CSMD2: variants seen among roughly 807,000 people sequenced by gnomAD.
CSMD2 encodes the protein CUB and sushi domain-containing protein 2.
In CSMD2, 130 loss-of-function variants were observed where a neutral mutation model predicts 398.5. The observed-to-expected ratio is 0.33, with a 90% CI of 0.28 to 0.38. The LOEUF (loss-of-function observed/expected upper bound fraction) is 0.38. Among genes scored for constraint, CSMD2 ranks in the 10% least tolerant of loss-of-function variants. The pLI is 1.00. For synonymous variants in CSMD2, 1,828 were observed against 1,908.5 expected (o/e 0.96, Z 1.10); for missense variants, 3,829 against 4,764.9 (o/e 0.80, Z 5.78).
Position 33,611,111 on chromosome 1 carries a change from G to C in CSMD2, c.6273C>G (p.Ser2091=), listed in dbSNP as rs746599023. The C allele has an allele frequency of 6.2e-7, 1 of 1,613,952 alleles. No homozygotes were observed. The highest frequency in any genetic ancestry group is 8.5e-7 in the Non-Finnish European group (1 of 1,180,030). The part of the protein sequence containing the change: ...SELPSSLLST[S]HETTVYFHSD... ...TGTGGAAATACACGGTGGTCTCGTG[G>C]GACGTGGAGAGGAGGGAGCTTGGAA... Residue 2091 remains serine, a synonymous_variant, in exon 41 of 71, where the codon TCC becomes TCG. Transcript: ENST00000373381.
chr1:33,723,016 T>A (rs115319988), intron 19 of CSMD2, among the ~76,000 whole-genome samples: 2 of 152,364 alleles, frequency 1.3e-5, no homozygotes, highest in Non-Finnish European at 2.9e-5. Context: ...TTTACTTATA[T>A]ACTAAAGTCT....
chr1:34,053,267 T>C (rs192230063), intron 2 of CSMD2, among the ~76,000 whole-genome samples: 1 of 152,296 alleles, frequency 6.6e-6, no homozygotes, highest in East Asian at 1.9e-4. Context: ...ATTGATACCG[T>C]AAGTGACCTC....
chr1:34,150,325 G>A (rs1640190251), intron 1 of CSMD2, among the ~76,000 whole-genome samples: 1 of 152,030 alleles, frequency 6.6e-6, no homozygotes, highest in East Asian at 1.9e-4. Context: ...CCTCAAGCAA[G>A]TCTCCCACCT....
intron 12 of CSMD2, among the ~76,000 whole-genome samples, chr1:33,780,835 T>C (rs1231863477): frequency 2.6e-5 from 4 of 152,200 alleles, no homozygotes; most frequent in Non-Finnish European, 4.4e-5. Context: ...CTTAGGAACA[T>C]GTTAGTGACA....
chr1:33,705,563 C>G (rs976448242), intron 22 of CSMD2, among the ~76,000 whole-genome samples: 3 of 151,982 alleles, frequency 2.0e-5, no homozygotes, highest in African/African-American at 7.2e-5. Context: ...TTTTGTTAAG[C>G]TTACCTGTAA....
At chr1:33,979,576 G>A (rs1392609807) in intron 3 of CSMD2, among the ~76,000 whole-genome samples, 2 of 152,220 alleles carry the variant, frequency 1.3e-5, no homozygotes, top group African/African-American at 4.8e-5. Context: ...GGTAACAAGA[G>A]ACCCTTTCTG....
rs566354647 is a variant in CSMD2 at position 33,557,671 on chromosome 1, G to A, written c.8743+63C>T. 4.4e-6 allele frequency: 6 copies of A among 1,355,956 alleles called. No individual in the cohort carries two copies. The Admixed American group carries it at 1.2e-4, about 27-fold the overall frequency. 84.0% of individuals were successfully genotyped at this position (1,355,956 alleles called of 1,614,324 possible). Reference sequence around the variant, plus strand: ...ACACACACACACACATGCACAGAGGGGAGGACTGTTCTTTGACACGGGCCA... The same window carrying A: ...ACACACACACACACATGCACAGAGGAGAGGACTGTTCTTTGACACGGGCCA... On this transcript the variant is annotated intron_variant, in intron 55 of 70. Transcript: ENST00000373381.
intron 3 of CSMD2, among the ~76,000 whole-genome samples, chr1:34,011,466 C>G (rs550229824): frequency 1.3e-5 from 2 of 152,156 alleles, no homozygotes; most frequent in Non-Finnish European, 2.9e-5. Context: ...GCTATGAGCA[C>G]GTGCCTAAGA....
intron 2 of CSMD2, among the ~76,000 whole-genome samples, chr1:34,075,326 G>A (rs574829886): frequency 5.1e-4 from 77 of 152,198 alleles, no homozygotes; most frequent in East Asian, 9.6e-4. Context: ...CTTCAAGGAC[G>A]TCCCTATTGA....
At chr1:33,584,598 C>T (rs532256330) in intron 46 of CSMD2, among the ~76,000 whole-genome samples, 11 of 151,890 alleles carry the variant, frequency 7.2e-5, no homozygotes, top group African/African-American at 1.4e-4. Flanking sequence ...TCCCAGGAGG[C>T]GGAGGTTGCA....
intron 1 of CSMD2, among the ~76,000 whole-genome samples, chr1:34,138,915 A>C (rs190665594): frequency 6.6e-6 from 1 of 152,262 alleles, no homozygotes; most frequent in Admixed American, 6.5e-5. Context: ...TTTCAGTGAA[A>C]TTTTATTTTT....
chr1:33,579,685 T>C (rs1222050699), intron 48 of CSMD2, among the ~76,000 whole-genome samples: 1 of 151,778 alleles, frequency 6.6e-6, no homozygotes, highest in Non-Finnish European at 1.5e-5. Flanking sequence ...TTTTTAATTT[T>C]TTTTTTTTTT....
At position 33,834,260 on chromosome 1, in the gene CSMD2, G is replaced by C. The variant is rs1461439981; in HGVS notation, c.1034-8486C>G. On this transcript the variant is annotated intron_variant, in intron 6 of 70. Transcript: ENST00000373381. ...ACCTGACTTCAAACTACACTACAAG[G>C]CTACAGTAACCAAAACAGCATGGTA... 5.4e-5 allele frequency among the ~76,000 whole-genome samples: 4 copies of C among 74,038 alleles called. No homozygotes were observed. The South Asian group carries it at 2.0e-3, about 38-fold the overall frequency. 48.6% of individuals were successfully genotyped at this position (74,038 alleles called of 152,430 possible). A position where few individuals can be genotyped will look rare whatever the true frequency, so the allele number is the denominator to read the frequency against.
intron 41 of CSMD2, among the ~76,000 whole-genome samples, chr1:33,607,839 AT>A (rs1273200199): frequency 6.6e-6 from 1 of 152,202 alleles, no homozygotes; most frequent in African/African-American, 2.4e-5. Flanking sequence ...GAGGGGGCCC[AT>A]TATAGGGTGG....
At chr1:33,709,034 T>C in intron 22 of CSMD2, 55 bp downstream of exon 22, 30 of 1,450,896 alleles carry the variant, frequency 2.1e-5, no homozygotes, top group Non-Finnish European at 2.8e-5. Flanking sequence ...GGAGTGAGTA[T>C]TGACTAGACT....
At chr1:34,117,568 C>G (rs1661732730) in intron 1 of CSMD2, among the ~76,000 whole-genome samples, 1 of 151,960 alleles carries the variant, frequency 6.6e-6, no homozygotes. Context: ...AAACTTTCCC[C>G]CAAAATTGAA....
At chr1:33,907,423 G>A (rs574093658) in intron 5 of CSMD2, among the ~76,000 whole-genome samples, 3 of 151,984 alleles carry the variant, frequency 2.0e-5, no homozygotes, top group Admixed American at 1.3e-4. Context: ...CACCACACCC[G>A]GCCCTTTGAT....
intron 4 of CSMD2, among the ~76,000 whole-genome samples, chr1:33,924,737 C>A (rs1644064430): frequency 6.6e-6 from 1 of 152,158 alleles, no homozygotes; most frequent in Non-Finnish European, 1.5e-5. Flanking sequence ...GCCATTCTAA[C>A]TAGGGTAAAA....
At chr1:33,761,166 T>C (rs537531602) in intron 13 of CSMD2, among the ~76,000 whole-genome samples, 2 of 152,232 alleles carry the variant, frequency 1.3e-5, no homozygotes, top group East Asian at 3.9e-4. Flanking sequence ...ACTTGAGTGT[T>C]GGATATTCTG....
Sources: allele counts gnomAD v4.1 joint callset (sites outside exome capture counted in the v4.1 genomes callset), GRCh38; gene constraint gnomAD v4.1.1; transcripts MANE v1.5; gene names NCBI Gene and HGNC (gene_info 2026-07-23, HGNC 2026-07-21).